AK4: variants seen among roughly 807,000 people sequenced by gnomAD.
AK4 encodes adenylate kinase 4, also known as adenylate kinase 4, mitochondrial.
AK4 carries 13 observed loss-of-function variants against 24.6 expected under a neutral mutation model. The ratio of observed to expected loss-of-function variants is 0.53; its 90% CI spans 0.34 to 0.84. The LOEUF (loss-of-function observed/expected upper bound fraction) is 0.84. AK4 is among the 40% of genes least tolerant of loss of function. The pLI is 0.01. For synonymous variants in AK4, 88 were observed against 107.0 expected (o/e 0.82, Z 1.10); for missense variants, 192 against 288.2 (o/e 0.67, Z 2.42).
At position 65,198,219 on chromosome 1, in the gene AK4, G is replaced by A. The variant is rs76833788; in HGVS notation, c.265+7390G>A. On this transcript the variant is annotated intron_variant, in intron 2 of 4. Transcript: ENST00000327299. Reference sequence around the variant, plus strand: ...GAATGGAAAGTTTAAAGCAATTGTGGTGATTTCTAAAGAATGAAGAATAGT... The same window carrying A: ...GAATGGAAAGTTTAAAGCAATTGTGATGATTTCTAAAGAATGAAGAATAGT... Among the ~76,000 whole-genome samples, 1,022 of 152,274 alleles carry A rather than the reference G, an allele frequency of 6.7e-3. 12 individuals are homozygous for A. The highest frequency in any genetic ancestry group is 0.023 in the African/African-American group (973 of 41,542).
intron 2 of AK4, among the ~76,000 whole-genome samples, chr1:65,193,091 A>C (rs990987443): frequency 6.6e-6 from 1 of 152,210 alleles, no homozygotes; most frequent in African/African-American, 2.4e-5. Flanking sequence ...TTGACCCTAC[A>C]GTTCCACTGG....
chr1:65,182,537 T>TAA (rs961359415), intron 1 of AK4, among the ~76,000 whole-genome samples: 9 of 145,014 alleles, frequency 6.2e-5, no homozygotes, highest in Admixed American at 2.1e-4. Context: ...GACATTCAGA[T>TAA]AAAAAAAAAA....
intron 1 of AK4, among the ~76,000 whole-genome samples, chr1:65,174,237 G>A (rs1295659374): frequency 6.6e-6 from 1 of 151,630 alleles, no homozygotes; most frequent in Non-Finnish European, 1.5e-5. Flanking sequence ...TGAATGAAGG[G>A]CCCAGAGCAA....
At chr1:65,184,241 A>G (rs1651011690) in intron 1 of AK4, among the ~76,000 whole-genome samples, 1 of 152,228 alleles carries the variant, frequency 6.6e-6, no homozygotes, top group Non-Finnish European at 1.5e-5. Flanking sequence ...TTCTTCTAAT[A>G]TACTTAACAT....
At chr1:65,221,267 T>A (rs1035655263) in intron 3 of AK4, among the ~76,000 whole-genome samples, 7 of 152,194 alleles carry the variant, frequency 4.6e-5, no homozygotes, top group African/African-American at 1.7e-4. Flanking sequence ...ATACATGCCT[T>A]ACTAGGTTAG....
intron 1 of AK4, among the ~76,000 whole-genome samples, chr1:65,149,957 T>A (rs941523492): frequency 6.6e-6 from 1 of 152,140 alleles, no homozygotes; most frequent in Non-Finnish European, 1.5e-5. Flanking sequence ...AATGGTTTTG[T>A]GTTTAGGTTG....
chr1:65,168,981 G>A (rs142197459), intron 1 of AK4, among the ~76,000 whole-genome samples: 1 of 152,078 alleles, frequency 6.6e-6, no homozygotes, highest in Admixed American at 6.5e-5. Flanking sequence ...TCTGAGACCA[G>A]CCTGGGCAAT....
intron 3 of AK4, 42 bp from the exon 4 acceptor site, chr1:65,224,710 C>T (rs200227504): frequency 1.2e-5 from 18 of 1,536,832 alleles, no homozygotes; most frequent in Non-Finnish European, 1.5e-5. Context: ...ATGAAATGGC[C>T]CAACTGTTGT....
chr1:65,209,197 G>A (rs1651901543), intron 2 of AK4, among the ~76,000 whole-genome samples: 1 of 152,158 alleles, frequency 6.6e-6, no homozygotes, highest in African/African-American at 2.4e-5. Flanking sequence ...AGCATGCGGT[G>A]GAACAGACCC....
intron 1 of AK4, among the ~76,000 whole-genome samples, chr1:65,158,297 G>A (rs6702163): frequency 0.12 from 19,008 of 152,174 alleles, 1,634 homozygotes; most frequent in Admixed American, 0.23. Flanking sequence ...TGAAAGGCAT[G>A]TTGAATTACC....
At chr1:65,168,521 G>A (rs1218988868) in intron 1 of AK4, among the ~76,000 whole-genome samples, 2 of 151,938 alleles carry the variant, frequency 1.3e-5, no homozygotes, top group African/African-American at 4.8e-5. Flanking sequence ...TGAACTCCTG[G>A]CCTCAGGTGA....
intron 1 of AK4, among the ~76,000 whole-genome samples, chr1:65,168,411 G>A (rs1332511107): frequency 2.0e-5 from 3 of 152,090 alleles, no homozygotes; most frequent in Non-Finnish European, 4.4e-5. Flanking sequence ...CTCCCAAAGT[G>A]CTGGGATTAC....
chr1:65,227,235 G>T lies in AK4; in HGVS notation c.*1058G>T, dbSNP rs1209831550. 1.5e-5 allele frequency: 2 copies of T among 134,112 alleles called. No homozygotes were observed. The highest frequency in any genetic ancestry group is 2.2e-4 in the East Asian group (1 of 4,528). The allele number at this position is 134,112 out of a possible 1,614,324, so 8.3% of individuals were successfully genotyped here. ...TTTGAAAGTGCTGCTAACTATTGAT[G>T]CTGACAGTGTTTCACTCCTATGAGT... On this transcript the variant is annotated 3_prime_UTR_variant, in exon 5 of 5. Coordinates refer to ENST00000327299, the MANE Select transcript of AK4 (RefSeq NM_013410.4).
chr1:65,196,746 A>G (rs1373161991), intron 2 of AK4, among the ~76,000 whole-genome samples: 2 of 152,184 alleles, frequency 1.3e-5, no homozygotes, highest in Non-Finnish European at 2.9e-5. Context: ...GATTACAGGC[A>G]TGAGCCACTG....
At chr1:65,223,884 C>T (rs1228991311) in intron 3 of AK4, among the ~76,000 whole-genome samples, 6 of 151,992 alleles carry the variant, frequency 3.9e-5, no homozygotes, top group Non-Finnish European at 7.4e-5. Flanking sequence ...GTAATCCCAC[C>T]TGTTCGGCTG....
intron 1 of AK4, among the ~76,000 whole-genome samples, chr1:65,174,631 G>T (rs1349758402): frequency 6.6e-6 from 1 of 152,194 alleles, no homozygotes; most frequent in East Asian, 1.9e-4. Flanking sequence ...AAAGGGGAAA[G>T]GGACAGATGG....
intron 2 of AK4, among the ~76,000 whole-genome samples, chr1:65,208,024 T>C (rs185870269): frequency 1.2e-4 from 19 of 152,334 alleles, no homozygotes; most frequent in Admixed American, 1.0e-3. Flanking sequence ...ACATGTGTCT[T>C]TTTGGTAGAA....
chr1:65,147,950 C>T (rs1480846546), upstream of AK4: 14 of 159,378 alleles, frequency 8.8e-5, no homozygotes, highest in Non-Finnish European at 1.2e-4. Flanking sequence ...GAGTCACCCC[C>T]GCTTGTGCCA....
chr1:65,222,850 C>T (rs940877414), intron 3 of AK4, among the ~76,000 whole-genome samples: 16 of 152,122 alleles, frequency 1.1e-4, no homozygotes, highest in Non-Finnish European at 2.2e-4. Context: ...TCTGGCCTAC[C>T]TTTTGACAGG....
Sources: allele counts gnomAD v4.1 joint callset (sites outside exome capture counted in the v4.1 genomes callset), GRCh38; gene constraint gnomAD v4.1.1; transcripts MANE v1.5; gene names NCBI Gene and HGNC (gene_info 2026-07-23, HGNC 2026-07-21).